GLRA3: variants seen among roughly 807,000 people sequenced by gnomAD.
GLRA3 encodes the protein glycine receptor subunit alpha-3.
GLRA3 carries 44 observed loss-of-function variants against 60.4 expected under a neutral mutation model. The ratio of observed to expected loss-of-function variants is 0.73; its 90% CI spans 0.57 to 0.94. The LOEUF (loss-of-function observed/expected upper bound fraction) is 0.94. Ranked by LOEUF, GLRA3 falls within the 40% of genes least tolerant of loss-of-function variation. The probability of loss-of-function intolerance (pLI) is 0.00; values close to 1 mark genes in which losing one functional copy is unlikely to be tolerated. For missense variants in GLRA3, 508 were observed against 564.6 expected, an observed-to-expected ratio of 0.90 and a Z score of 1.02; for synonymous variants, 223 against 192.9, an observed-to-expected ratio of 1.16 and a Z score of -1.29.
intron 5 of GLRA3, among the ~76,000 whole-genome samples, chr4:174,693,805 A>T (rs1240924713): frequency 1.3e-5 from 2 of 152,070 alleles, no homozygotes; most frequent in Non-Finnish European, 2.9e-5. Context: ...AGCTGGATTT[A>T]AAAAAAAGAC....
intron 3 of GLRA3, among the ~76,000 whole-genome samples, chr4:174,762,983 T>C (rs1276279657): frequency 6.6e-6 from 1 of 152,184 alleles, no homozygotes; most frequent in Non-Finnish European, 1.5e-5. Flanking sequence ...TTGAACTTCA[T>C]ACAAACGGAA....
intron 1 of GLRA3, among the ~76,000 whole-genome samples, chr4:174,821,530 C>CTTTTTA (rs1473831014): frequency 6.6e-6 from 1 of 151,866 alleles, no homozygotes; most frequent in East Asian, 1.9e-4. Flanking sequence ...GATAAAAAGC[C>CTTTTTA]TTTTTATTTT....
At chr4:174,705,733 A>G (rs1405110973) in intron 5 of GLRA3, among the ~76,000 whole-genome samples, 2 of 111,274 alleles carry the variant, frequency 1.8e-5, no homozygotes, top group Admixed American at 9.5e-5. Flanking sequence ...ACTGTCGTTA[A>G]GAGAAACAAA....
chr4:174,641,897 A>G lies in GLRA3; in HGVS notation c.*1889T>C, dbSNP rs1041290533. ...TGCTAATTCTCAAGGAATACAAATG[A>G]CATATCTTGCTCTAATCTTTAGAAC... is the stretch of plus-strand genomic sequence containing the variant. On this transcript the variant is annotated 3_prime_UTR_variant, in exon 10 of 10. Coordinates refer to ENST00000274093, the MANE Select transcript of GLRA3 (RefSeq NM_006529.4). 2 of 152,310 alleles carry G rather than the reference A, an allele frequency of 1.3e-5. No homozygotes were observed. 9.4% of individuals were successfully genotyped at this position (152,310 alleles called of 1,614,324 possible).
chr4:174,800,785 C>T (rs570400515), intron 1 of GLRA3, among the ~76,000 whole-genome samples: 6 of 152,164 alleles, frequency 3.9e-5, no homozygotes, highest in African/African-American at 9.6e-5. Context: ...GAATCTGATG[C>T]TTATGCCTGC....
chr4:174,791,204 T>G (rs562555138), intron 1 of GLRA3, among the ~76,000 whole-genome samples: 31 of 152,152 alleles, frequency 2.0e-4, no homozygotes, highest in African/African-American at 7.2e-4. Flanking sequence ...GGCAGAATTA[T>G]ATTTGATGAC....
intron 1 of GLRA3, among the ~76,000 whole-genome samples, chr4:174,820,067 G>C (rs980523658): frequency 6.6e-6 from 1 of 152,198 alleles, no homozygotes; most frequent in Non-Finnish European, 1.5e-5. Flanking sequence ...ACACATGAAA[G>C]CTGATTACTG....
intron 3 of GLRA3, among the ~76,000 whole-genome samples, chr4:174,753,006 G>C (rs777928426): frequency 6.6e-6 from 1 of 152,124 alleles, no homozygotes; most frequent in Non-Finnish European, 1.5e-5. Context: ...AAGCCTCCTT[G>C]ATGAGATTGA....
chr4:174,651,994 G>A (rs575713113), intron 9 of GLRA3, among the ~76,000 whole-genome samples: 12 of 152,074 alleles, frequency 7.9e-5, no homozygotes, highest in African/African-American at 2.9e-4. Context: ...GAGACCATGA[G>A]CCCCTGGACC....
chr4:174,821,088 CAG>C (rs1156643841), intron 1 of GLRA3, among the ~76,000 whole-genome samples: 11 of 152,078 alleles, frequency 7.2e-5, no homozygotes, highest in Non-Finnish European at 1.6e-4. Flanking sequence ...ACAAAGTCAA[CAG>C]AGTCTAAACC....
In GLRA3 at chr4:174,779,067, C is replaced by T. The variant is rs944152572; in HGVS notation, c.199+9749G>A. 4.1e-4 allele frequency among the ~76,000 whole-genome samples: 63 copies of T among 152,318 alleles called. 1 individual carries two copies. Among genetic ancestry groups the T allele is most frequent in the Middle Eastern group, 3.4e-3 (1 of 294 alleles). On this transcript the variant is annotated intron_variant, in intron 2 of 9. Coordinates refer to ENST00000274093, the MANE Select transcript of GLRA3 (RefSeq NM_006529.4). Reference sequence around the variant, plus strand: ...CAGTAACTTCTGCAGACTTAAATGTCCCTGTCTGACAGCTTTGAAGAGAGC... The same window carrying T: ...CAGTAACTTCTGCAGACTTAAATGTTCCTGTCTGACAGCTTTGAAGAGAGC...
At chr4:174,797,722 A>G (rs1739626589) in intron 1 of GLRA3, among the ~76,000 whole-genome samples, 1 of 151,962 alleles carries the variant, frequency 6.6e-6, no homozygotes, top group Non-Finnish European at 1.5e-5. Context: ...GACTGAGTCC[A>G]GGAGTTTGAG....
chr4:174,808,893 T>C (rs1355756656), intron 1 of GLRA3, among the ~76,000 whole-genome samples: 1 of 152,208 alleles, frequency 6.6e-6, no homozygotes, highest in African/African-American at 2.4e-5. Flanking sequence ...TAAGCATTGT[T>C]ATCAAAGAGT....
chr4:174,778,913 CA>C (rs1386033401), intron 2 of GLRA3, among the ~76,000 whole-genome samples: 1 of 152,214 alleles, frequency 6.6e-6, no homozygotes, highest in African/African-American at 2.4e-5. Flanking sequence ...CGCCATTGCC[CA>C]GGCTTGCTTA....
At chr4:174,687,940 C>G (rs1225883131) in intron 5 of GLRA3, among the ~76,000 whole-genome samples, 1 of 151,814 alleles carries the variant, frequency 6.6e-6, no homozygotes, top group Non-Finnish European at 1.5e-5. Context: ...TTTCCAATTC[C>G]ACATTGCAAT....
In GLRA3 at chr4:174,721,888, T is replaced by C. The variant is rs557587034; in HGVS notation, c.492-6318A>G. 4.5e-3 allele frequency among the ~76,000 whole-genome samples: 687 copies of C among 151,634 alleles called. 2 individuals are homozygous for C. The highest frequency in any genetic ancestry group is 0.016 in the African/African-American group (659 of 41,150). ...GTGTATATGTGTGTGTATATATATA[T>C]GTGTGTGTATGTGTGTATGTGTATA... On this transcript the variant is annotated intron_variant, in intron 4 of 9. Transcript: ENST00000274093.
chr4:174,721,754 T>A (rs550842004), intron 4 of GLRA3, among the ~76,000 whole-genome samples: 260 of 151,328 alleles, frequency 1.7e-3, no homozygotes, highest in African/African-American at 5.9e-3. Flanking sequence ...AGGAAAAAAA[T>A]ATGTGTGTAT....
chr4:174,657,816 A>G (rs928134601), intron 8 of GLRA3, among the ~76,000 whole-genome samples: 1 of 152,146 alleles, frequency 6.6e-6, no homozygotes, highest in Admixed American at 6.6e-5. Context: ...TTTCATAAAA[A>G]TTTAATTAAA....
chr4:174,751,673 T>C lies in GLRA3; in HGVS notation c.267+15290A>G, dbSNP rs116060948. ...CATTGCTGTTACGTAGCCCACTGAGTAATGAGTACAGAAATATTACTCTTG... is the reference window on the plus strand; with the variant it reads ...CATTGCTGTTACGTAGCCCACTGAGCAATGAGTACAGAAATATTACTCTTG... On this transcript the variant is annotated intron_variant, in intron 3 of 9. Transcript: ENST00000274093. Among the ~76,000 whole-genome samples, 1,415 of 152,206 alleles carry C rather than the reference T, an allele frequency of 9.3e-3. 21 individuals carry two copies. The highest frequency in any genetic ancestry group is 0.032 in the African/African-American group (1,339 of 41,552).
Sources: allele counts gnomAD v4.1 joint callset (sites outside exome capture counted in the v4.1 genomes callset), GRCh38; gene constraint gnomAD v4.1.1; transcripts MANE v1.5; gene names NCBI Gene and HGNC (gene_info 2026-07-23, HGNC 2026-07-21).